HECW2: variants seen among roughly 807,000 people sequenced by gnomAD.
HECW2 encodes the protein HECT, C2 and WW domain containing E3 ubiquitin protein ligase 2.
In HECW2, 61 loss-of-function variants were observed where a neutral mutation model predicts 175.2. The observed-to-expected ratio is 0.35, with a 90% CI of 0.28 to 0.43. HECW2 has a LOEUF of 0.43. Among genes scored for constraint, HECW2 ranks in the 20% least tolerant of loss-of-function variants. The pLI, the probability that HECW2 is intolerant of heterozygous loss-of-function variation, is 1.00. For missense variants in HECW2, 1,524 were observed against 2,000.5 expected (o/e 0.76, Z 4.54); for synonymous variants, 671 against 731.0 (o/e 0.92, Z 1.32).
At chr2:196,322,779 T>C (rs1242722636) in intron 6 of HECW2, among the ~76,000 whole-genome samples, 159 bp from the exon 7 acceptor site, 4 of 152,200 alleles carry the variant, frequency 2.6e-5, no homozygotes, top group African/African-American at 9.7e-5. Flanking sequence ...CTTTATTCAC[T>C]CAGAATGATT....
chr2:196,266,117 G>A lies in HECW2; in HGVS notation c.3335+5076C>T, dbSNP rs58671922. Among the ~76,000 whole-genome samples, 969 of 149,112 alleles carry A rather than the reference G, an allele frequency of 6.5e-3. 8 individuals are homozygous for A. The highest frequency in any genetic ancestry group is 0.023 in the African/African-American group (922 of 40,576). ...AGGCTGAAGCAGGAGGATCTCTTAA[G>A]CCCAGGTATTCAAAATGAACCTGTA... On this transcript the variant is annotated intron_variant, in intron 17 of 28. Transcript: ENST00000644978.
chr2:196,210,485 A>G (rs1218988977), intron 28 of HECW2, among the ~76,000 whole-genome samples: 1 of 152,138 alleles, frequency 6.6e-6, no homozygotes, highest in Non-Finnish European at 1.5e-5. Context: ...CACCATGACC[A>G]GCTAGTAGTG....
chr2:196,492,045 C>A (rs1312143161), intron 1 of HECW2, among the ~76,000 whole-genome samples: 2 of 152,132 alleles, frequency 1.3e-5, no homozygotes, highest in African/African-American at 2.4e-5. Flanking sequence ...CACTTAAAAT[C>A]TTGATTTAAA....
intron 14 of HECW2, among the ~76,000 whole-genome samples, chr2:196,286,523 A>C (rs968038732): frequency 6.6e-6 from 1 of 152,108 alleles, no homozygotes; most frequent in Non-Finnish European, 1.5e-5. Context: ...TTTATTCATA[A>C]AACCGATCTC....
chr2:196,464,565 G>C (rs1559126121), intron 1 of HECW2, among the ~76,000 whole-genome samples: 1 of 152,016 alleles, frequency 6.6e-6, no homozygotes, highest in South Asian at 2.1e-4. Flanking sequence ...TAACTCCCAG[G>C]ATTTTACAAA....
At chr2:196,280,594 T>C (rs748262784) in intron 14 of HECW2, among the ~76,000 whole-genome samples, 4 of 152,206 alleles carry the variant, frequency 2.6e-5, no homozygotes, top group Non-Finnish European at 4.4e-5. Context: ...GTGTGAGATT[T>C]TGTCATCAGC....
At chr2:196,463,785 G>T (rs910234181) in intron 1 of HECW2, among the ~76,000 whole-genome samples, 1 of 152,112 alleles carries the variant, frequency 6.6e-6, no homozygotes, top group East Asian at 1.9e-4. Context: ...CAACCAGGTG[G>T]CAGCCTGTAC....
chr2:196,312,207 A>G (rs190963163), intron 10 of HECW2, among the ~76,000 whole-genome samples: 29 of 151,628 alleles, frequency 1.9e-4, no homozygotes, highest in Admixed American at 7.2e-4. Flanking sequence ...TTGAGAAGTT[A>G]ACAACTAAAC....
chr2:196,340,318 C>T (rs1024261009), intron 3 of HECW2, among the ~76,000 whole-genome samples: 28 of 151,984 alleles, frequency 1.8e-4, no homozygotes, highest in African/African-American at 6.8e-4. Flanking sequence ...GACATCCAGC[C>T]GGGCACGGTG....
chr2:196,385,045 T>C (rs1694308957), intron 2 of HECW2, among the ~76,000 whole-genome samples: 1 of 151,884 alleles, frequency 6.6e-6, no homozygotes, highest in Admixed American at 6.6e-5. Context: ...GCTTTCCAAA[T>C]ATCTGAGACT....
At chr2:196,534,983 T>C (rs1234325300) in intron 1 of HECW2, among the ~76,000 whole-genome samples, 2 of 151,874 alleles carry the variant, frequency 1.3e-5, no homozygotes, top group Admixed American at 6.6e-5. Flanking sequence ...AACTAATCTA[T>C]GTCCCCTTCA....
At chr2:196,546,821 A>C (rs1007274762) in intron 1 of HECW2, among the ~76,000 whole-genome samples, 1 of 96,422 alleles carries the variant, frequency 1.0e-5, no homozygotes, top group Non-Finnish European at 2.3e-5. Context: ...GAAGGACAGC[A>C]AAAAAAAAAA....
intron 1 of HECW2, among the ~76,000 whole-genome samples, chr2:196,437,235 A>G (rs543561985): frequency 6.6e-6 from 1 of 152,210 alleles, no homozygotes; most frequent in African/African-American, 2.4e-5. Flanking sequence ...ACTACCAAGG[A>G]AGAGTACTGG....
At chr2:196,248,085 A>T (rs1688714094) in intron 19 of HECW2, among the ~76,000 whole-genome samples, 2 of 152,228 alleles carry the variant, frequency 1.3e-5, no homozygotes, top group Admixed American at 1.3e-4. Flanking sequence ...AATCCCTGGC[A>T]CAAAGCACAA....
At chr2:196,238,393 T>C (rs1688328212) in intron 21 of HECW2, 2 of 152,194 alleles carry the variant, frequency 1.3e-5, no homozygotes, top group Non-Finnish European at 2.9e-5. Context: ...TTTGAGAAGG[T>C]GGCAAAGGCT....
intron 2 of HECW2, among the ~76,000 whole-genome samples, chr2:196,360,662 A>G (rs1693556383): frequency 6.6e-6 from 1 of 152,184 alleles, no homozygotes; most frequent in East Asian, 1.9e-4. Context: ...TTACCTACCT[A>G]ACAAACCTGC....
intron 1 of HECW2, among the ~76,000 whole-genome samples, chr2:196,515,414 A>G (rs1688113087): frequency 6.6e-6 from 1 of 152,242 alleles, no homozygotes; most frequent in South Asian, 2.1e-4. Flanking sequence ...AGAGGTTTCC[A>G]GCTGGCAAAG....
chr2:196,521,483 TA>T (rs762506936), intron 1 of HECW2, among the ~76,000 whole-genome samples: 32 of 152,118 alleles, frequency 2.1e-4, no homozygotes, highest in African/African-American at 6.3e-4. Context: ...TATTTCATTT[TA>T]TTTTTTTATT....
At chr2:196,495,414 T>G (rs1687356497) in intron 1 of HECW2, among the ~76,000 whole-genome samples, 1 of 151,980 alleles carries the variant, frequency 6.6e-6, no homozygotes, top group Admixed American at 6.6e-5. Context: ...AGGAGGAGGA[T>G]GAGATATGTA....
Sources: gnomAD v4.1 joint callset for allele counts (sites outside exome capture counted in the v4.1 genomes callset) on GRCh38, gnomAD v4.1.1 for gene constraint, MANE v1.5 for transcripts, NCBI Gene and HGNC (gene_info 2026-07-23, HGNC 2026-07-21) for gene names.